Variants in PLPP1 observed in about 807,000 individuals in gnomAD.
PLPP1 encodes lipid phosphate phosphohydrolase 1a.
PLPP1 carries 24 observed loss-of-function variants against 31.2 expected under a neutral mutation model. That is an observed-to-expected ratio of 0.77 (90% confidence interval 0.56 to 1.08). The LOEUF (loss-of-function observed/expected upper bound fraction) is 1.08. PLPP1 is among the 50% of genes least tolerant of loss of function. PLPP1 has a pLI of 0.00. For synonymous variants in PLPP1, 146 were observed against 126.3 expected, an observed-to-expected ratio of 1.16 and a Z score of -1.05; for missense variants, 319 against 342.7, an observed-to-expected ratio of 0.93 and a Z score of 0.55.
intron 1 of PLPP1, among the ~76,000 whole-genome samples, chr5:55,495,132 CAAA>C (rs36000140): frequency 2.4e-4 from 27 of 114,142 alleles, no homozygotes; most frequent in Admixed American, 3.6e-4. Flanking sequence ...ACTCTGTCTC[CAAA>C]AAAAAAAAAA....
chr5:55,458,411 C>T (rs1752068270), intron 3 of PLPP1, among the ~76,000 whole-genome samples: 1 of 150,660 alleles, frequency 6.6e-6, no homozygotes, highest in Non-Finnish European at 1.5e-5. Flanking sequence ...GTAGCTTAGT[C>T]ATGTATTAAC....
chr5:55,487,850 C>T (rs928746088), intron 1 of PLPP1, among the ~76,000 whole-genome samples: 3 of 152,250 alleles, frequency 2.0e-5, no homozygotes, highest in African/African-American at 7.2e-5. Flanking sequence ...GGCATTAGGT[C>T]GGGCGTGGTG....
intron 4 of PLPP1, among the ~76,000 whole-genome samples, chr5:55,437,347 A>G (rs543043527): frequency 5.3e-5 from 8 of 152,254 alleles, no homozygotes; most frequent in African/African-American, 1.9e-4. Context: ...TTATTGTCTC[A>G]TAGCCTCTGA....
intron 1 of PLPP1, among the ~76,000 whole-genome samples, chr5:55,496,000 G>A (rs972660740): frequency 3.9e-5 from 6 of 152,206 alleles, no homozygotes; most frequent in Middle Eastern, 3.4e-3. Flanking sequence ...TGGGACCACA[G>A]GCACGCGCCA....
At chr5:55,427,834 G>A (rs1329455288) in intron 4 of PLPP1, among the ~76,000 whole-genome samples, 4 of 152,082 alleles carry the variant, frequency 2.6e-5, no homozygotes, top group Non-Finnish European at 4.4e-5. Context: ...TGCCCAGGCT[G>A]GAGTGCAGTG....
In PLPP1 at chr5:55,525,534, C is replaced by T. The variant is rs186880714; in HGVS notation, c.58+9038G>A. 1.3e-3 allele frequency among the ~76,000 whole-genome samples: 200 copies of T among 152,266 alleles called. 2 individuals are homozygous for T. In the Middle Eastern group the frequency reaches 0.027, roughly 21 times the overall value. On this transcript the variant is annotated intron_variant, in intron 1 of 5. Transcript: ENST00000307259. ...TTAAAAAAATAGAAATGGGGTCTCACGATGTTGCCCAGGCTGGTCTTGAAC... is the reference window on the plus strand; with the variant it reads ...TTAAAAAAATAGAAATGGGGTCTCATGATGTTGCCCAGGCTGGTCTTGAAC...
intron 4 of PLPP1, among the ~76,000 whole-genome samples, chr5:55,427,018 C>T (rs1751216382): frequency 6.6e-6 from 1 of 151,796 alleles, no homozygotes; most frequent in Admixed American, 6.6e-5. Context: ...TGTCAGTCTG[C>T]CTTTGACTTT....
At chr5:55,430,479 ATAACT>A (rs1184525345) in intron 4 of PLPP1, among the ~76,000 whole-genome samples, 3 of 152,256 alleles carry the variant, frequency 2.0e-5, no homozygotes, top group Non-Finnish European at 4.4e-5. Flanking sequence ...CACACAACTG[ATAACT>A]TTACAGCCAA....
chr5:55,476,235 T>C (rs1752548704), intron 1 of PLPP1, among the ~76,000 whole-genome samples: 1 of 151,972 alleles, frequency 6.6e-6, no homozygotes, highest in Non-Finnish European at 1.5e-5. Flanking sequence ...CAGGCTGATC[T>C]TGAACTCCTG....
chr5:55,441,429 T>C (rs1431355129), intron 4 of PLPP1, among the ~76,000 whole-genome samples: 1 of 152,200 alleles, frequency 6.6e-6, no homozygotes, highest in Non-Finnish European at 1.5e-5. Context: ...AAACAAAATC[T>C]GCTCAAATAG....
intron 1 of PLPP1, among the ~76,000 whole-genome samples, chr5:55,490,516 G>A (rs559545364): frequency 1.2e-4 from 18 of 152,032 alleles, no homozygotes; most frequent in Non-Finnish European, 2.6e-4. Flanking sequence ...TCTTTCTGCT[G>A]AGTTTGTTTT....
chr5:55,496,170 A>C (rs1753000147), intron 1 of PLPP1, among the ~76,000 whole-genome samples: 1 of 151,976 alleles, frequency 6.6e-6, no homozygotes, highest in Non-Finnish European at 1.5e-5. Flanking sequence ...GATTATTTTT[A>C]ATGTTAATTT....
intron 1 of PLPP1, among the ~76,000 whole-genome samples, chr5:55,498,259 AG>A (rs2111872649): frequency 6.6e-6 from 1 of 152,294 alleles, no homozygotes; most frequent in South Asian, 2.1e-4. Flanking sequence ...AACAGTGTGA[AG>A]ACAGAAATAC....
At chr5:55,481,702 G>A (rs1444817335) in intron 1 of PLPP1, among the ~76,000 whole-genome samples, 1 of 152,170 alleles carries the variant, frequency 6.6e-6, no homozygotes, top group African/African-American at 2.4e-5. Context: ...TGAACAAGTA[G>A]AGAAGAATGT....
intron 1 of PLPP1, among the ~76,000 whole-genome samples, chr5:55,498,766 A>G (rs1289777359): frequency 6.6e-6 from 1 of 152,150 alleles, no homozygotes; most frequent in Non-Finnish European, 1.5e-5. Flanking sequence ...TTACAATTCT[A>G]TACTCTAGCA....
intron 1 of PLPP1, among the ~76,000 whole-genome samples, chr5:55,504,524 C>CAAAAA (rs70995703): frequency 3.7e-5 from 2 of 54,284 alleles, no homozygotes; most frequent in Non-Finnish European, 6.4e-5. Flanking sequence ...GACTCCATCT[C>CAAAAA]AAAAAAAAAA....
In PLPP1 at chr5:55,425,350, T is replaced by G. The variant is rs762102008; in HGVS notation, c.727-16A>C. The G allele has an allele frequency of 6.3e-7, 1 of 1,575,360 alleles. No individual in the cohort carries two copies. The highest frequency in any genetic ancestry group is 2.2e-5 in the East Asian group (1 of 44,650). On this transcript the variant is annotated splice_polypyrimidine_tract_variant and intron_variant, in intron 5 of 5. Coordinates refer to ENST00000307259, the MANE Select transcript of PLPP1 (RefSeq NM_003711.4). ...CATATACAGCCTACAGTGCAAAATA[T>G]TTAATGGTATAATTTAGATCAAGTT...
At chr5:55,445,086 T>G (rs1394899328) in intron 3 of PLPP1, among the ~76,000 whole-genome samples, 2 of 152,126 alleles carry the variant, frequency 1.3e-5, no homozygotes, top group Non-Finnish European at 2.9e-5. Flanking sequence ...TATGATGTTT[T>G]TTTCCTCACA....
At chr5:55,495,424 A>G (rs1752984765) in intron 1 of PLPP1, among the ~76,000 whole-genome samples, 1 of 152,198 alleles carries the variant, frequency 6.6e-6, no homozygotes, top group Non-Finnish European at 1.5e-5. Flanking sequence ...TAGTCTGGCC[A>G]TTCTTTAAAC....
Sources: gnomAD v4.1 joint callset for allele counts (sites outside exome capture counted in the v4.1 genomes callset) on GRCh38, gnomAD v4.1.1 for gene constraint, MANE v1.5 for transcripts, NCBI Gene and HGNC (gene_info 2026-07-23, HGNC 2026-07-21) for gene names.